ADAMTSL1: variants seen among roughly 807,000 people sequenced by gnomAD.
ADAMTSL1 encodes ADAMTS like 1.
In ADAMTSL1, 126 loss-of-function variants were observed where a neutral mutation model predicts 201.8. The ratio of observed to expected loss-of-function variants is 0.62; its 90% CI spans 0.54 to 0.72. ADAMTSL1 has a LOEUF of 0.72. Ranked by LOEUF, ADAMTSL1 falls within the 30% of genes least tolerant of loss-of-function variation. ADAMTSL1 has a pLI of 0.00. For synonymous variants in ADAMTSL1, 1,121 were observed against 903.4 expected (o/e 1.24, Z -4.32); for missense variants, 2,679 against 2,277.8 (o/e 1.18, Z -3.59).
intron 1 of ADAMTSL1, among the ~76,000 whole-genome samples, chr9:18,018,307 C>G (rs1820341016): frequency 6.6e-6 from 1 of 152,078 alleles, no homozygotes; most frequent in Admixed American, 6.6e-5. Flanking sequence ...AATCTTCATA[C>G]AGACTCTGAG....
At chr9:18,902,337 CA>C (rs1830060684) in intron 26 of ADAMTSL1, among the ~76,000 whole-genome samples, 2 of 151,988 alleles carry the variant, frequency 1.3e-5, no homozygotes, top group African/African-American at 4.8e-5. Context: ...AAAAATTATC[CA>C]AAAAAGGACT....
intron 2 of ADAMTSL1, among the ~76,000 whole-genome samples, chr9:18,222,149 C>G (rs149830528): frequency 0.011 from 1,598 of 151,904 alleles, 33 homozygotes; most frequent in African/African-American, 0.036. Flanking sequence ...CCATCTTTAA[C>G]TTTCAGTGTT....
At chr9:18,377,169 C>A (rs576718099) in intron 2 of ADAMTSL1, among the ~76,000 whole-genome samples, 1 of 152,250 alleles carries the variant, frequency 6.6e-6, no homozygotes, top group East Asian at 1.9e-4. Context: ...TGGGTTCAAG[C>A]CCTCTCGCGT....
intron 15 of ADAMTSL1, among the ~76,000 whole-genome samples, chr9:18,748,086 T>C (rs992845804): frequency 8.5e-5 from 13 of 152,158 alleles, no homozygotes; most frequent in African/African-American, 3.1e-4. Flanking sequence ...GCTTGATCTG[T>C]CAACTCATGG....
At chr9:18,170,930 A>G (rs1468568709) in intron 2 of ADAMTSL1, among the ~76,000 whole-genome samples, 2 of 152,112 alleles carry the variant, frequency 1.3e-5, no homozygotes, top group Non-Finnish European at 2.9e-5. Flanking sequence ...CCTTATCAAT[A>G]TCCCTCAGGA....
At chr9:17,986,624 C>T (rs1030259246) in intron 1 of ADAMTSL1, among the ~76,000 whole-genome samples, 1 of 152,060 alleles carries the variant, frequency 6.6e-6, no homozygotes, top group Admixed American at 6.6e-5. Flanking sequence ...CAAGGGAATG[C>T]ATTTAAAATT....
intron 1 of ADAMTSL1, among the ~76,000 whole-genome samples, chr9:18,040,645 G>A (rs923321829): frequency 2.6e-5 from 4 of 152,132 alleles, no homozygotes; most frequent in African/African-American, 9.7e-5. Context: ...CTGTACTTAA[G>A]TATTTGTTTA....
intron 13 of ADAMTSL1, among the ~76,000 whole-genome samples, chr9:18,690,179 A>G (rs1041051989): frequency 6.6e-6 from 1 of 152,180 alleles, no homozygotes; most frequent in Non-Finnish European, 1.5e-5. Context: ...AAGAGTCACC[A>G]TGGTGATTCT....
Position 18,585,659 on chromosome 9 carries a change from A to G in ADAMTSL1, c.474+11393A>G, listed in dbSNP as rs558191673. 2.0e-5 allele frequency among the ~76,000 whole-genome samples: 3 copies of G among 152,300 alleles called. No homozygotes were observed. In the South Asian group the frequency reaches 6.2e-4, roughly 32 times the overall value. On this transcript the variant is annotated intron_variant, in intron 4 of 28. Coordinates refer to ENST00000380548, the MANE Select transcript of ADAMTSL1 (RefSeq NM_001040272.6). Reference sequence around the variant, plus strand: ...AGAGAGAGACACAACAAAAAAAGAAAACTTCAGATCAATATCCTTGATGAA... The same window carrying G: ...AGAGAGAGACACAACAAAAAAAGAAGACTTCAGATCAATATCCTTGATGAA...
chr9:18,513,612 T>C (rs1217648363), intron 2 of ADAMTSL1, among the ~76,000 whole-genome samples: 1 of 152,138 alleles, frequency 6.6e-6, no homozygotes, highest in Non-Finnish European at 1.5e-5. Flanking sequence ...CCAGTTGGAG[T>C]TTTATAGTTT....
chr9:18,710,666 G>GTTTTTTT (rs1425680179), intron 14 of ADAMTSL1, among the ~76,000 whole-genome samples: 5 of 92,616 alleles, frequency 5.4e-5, no homozygotes, highest in Non-Finnish European at 8.8e-5. Context: ...CCTAAGTTTT[G>GTTTTTTT]TTTTGTTTTT....
chr9:18,144,341 G>A (rs960558764), intron 1 of ADAMTSL1, among the ~76,000 whole-genome samples: 1 of 152,004 alleles, frequency 6.6e-6, no homozygotes, highest in Non-Finnish European at 1.5e-5. Flanking sequence ...GGGTAGCTGG[G>A]ATTACAGATG....
intron 13 of ADAMTSL1, among the ~76,000 whole-genome samples, chr9:18,700,406 G>C (rs1831852719): frequency 6.6e-6 from 1 of 152,142 alleles, no homozygotes; most frequent in South Asian, 2.1e-4. Flanking sequence ...GATAAGAGTA[G>C]AAATACAAAG....
Position 18,609,732 on chromosome 9 carries a change from AAC to A in ADAMTSL1, c.475-12505_475-12504del, listed in dbSNP as rs370244892. Among the ~76,000 whole-genome samples, 870 of 152,258 alleles carry A rather than the reference AAC, an allele frequency of 5.7e-3. 14 individuals are homozygous for A. Among genetic ancestry groups the A allele is most frequent in the African/African-American group, 0.02 (830 of 41,556 alleles). On this transcript the variant is annotated intron_variant, in intron 4 of 28. Coordinates refer to ENST00000380548, the MANE Select transcript of ADAMTSL1 (RefSeq NM_001040272.6). ...TACATATCCCCCCCCTAAAATAATC[AAC>A]ACACAGGGTCTGATAATTCTGGAGA...
At chr9:18,381,083 A>G (rs1837537484) in intron 2 of ADAMTSL1, among the ~76,000 whole-genome samples, 1 of 152,204 alleles carries the variant, frequency 6.6e-6, no homozygotes, top group African/African-American at 2.4e-5. Flanking sequence ...GGCTGAAATC[A>G]TGAAAATGAA....
intron 7 of ADAMTSL1, among the ~76,000 whole-genome samples, chr9:18,647,242 A>AT (rs756771822): frequency 1.3e-5 from 2 of 151,860 alleles, no homozygotes; most frequent in Non-Finnish European, 2.9e-5. Flanking sequence ...TATCCCCTTT[A>AT]TCATTTTTTA....
intron 19 of ADAMTSL1, among the ~76,000 whole-genome samples, chr9:18,795,037 C>A (rs1298474207): frequency 6.6e-6 from 1 of 152,186 alleles, no homozygotes; most frequent in Non-Finnish European, 1.5e-5. Flanking sequence ...CCTTAATAAG[C>A]CTTCCCCAAA....
intron 19 of ADAMTSL1, among the ~76,000 whole-genome samples, chr9:18,794,836 T>C (rs72690575): frequency 0.25 from 37,930 of 151,976 alleles, 4,847 homozygotes; most frequent in Admixed American, 0.31. Context: ...GAGACGGAGC[T>C]TTGCCATGTT....
At chr9:18,859,753 A>C (rs769429347) in intron 23 of ADAMTSL1, among the ~76,000 whole-genome samples, 1 of 152,234 alleles carries the variant, frequency 6.6e-6, no homozygotes, top group Admixed American at 6.5e-5. Flanking sequence ...AGCGTAGTTT[A>C]TATTAGTGAA....
Sources: gnomAD v4.1 joint callset for allele counts (sites outside exome capture counted in the v4.1 genomes callset) on GRCh38, gnomAD v4.1.1 for gene constraint, MANE v1.5 for transcripts, NCBI Gene and HGNC (gene_info 2026-07-23, HGNC 2026-07-21) for gene names.